The following TRAPPC9 variants were observed in gnomAD, a reference collection of about 807,000 sequenced individuals.
TRAPPC9 encodes the protein IKK2 binding protein.
A neutral mutation model predicts 124.0 loss-of-function variants in TRAPPC9; 83 were observed. The observed-to-expected ratio is 0.67, with a 90% CI of 0.56 to 0.80. The LOEUF (loss-of-function observed/expected upper bound fraction) is 0.80. TRAPPC9 is among the 30% of genes least tolerant of loss of function. The pLI is 0.00. For synonymous variants in TRAPPC9, 638 were observed against 617.5 expected (o/e 1.03, Z -0.49); for missense variants, 1,302 against 1,508.3 (o/e 0.86, Z 2.27).
Position 139,744,271 on chromosome 8 carries a change from G to C in TRAPPC9, c.3056-12069C>G, listed in dbSNP as rs10104457. 3.6e-3 allele frequency among the ~76,000 whole-genome samples: 542 copies of C among 152,368 alleles called. 3 individuals carry two copies. The highest frequency in any genetic ancestry group is 0.012 in the African/African-American group (511 of 41,584). ...AAATGGGGGTGACGGTGCTGTGACA[G>C]AGTGTCTAGTCAAAGAGGCAGTGCA... On this transcript the variant is annotated intron_variant, in intron 21 of 22. Transcript: ENST00000438773.
intron 21 of TRAPPC9, among the ~76,000 whole-genome samples, chr8:139,794,994 A>T (rs1192648154): frequency 2.6e-5 from 4 of 152,234 alleles, no homozygotes; most frequent in Admixed American, 1.3e-4. Context: ...TAAAAAGACA[A>T]GAACCAGCAT....
intron 7 of TRAPPC9, among the ~76,000 whole-genome samples, chr8:140,397,275 AC>A (rs1319242305): frequency 3.9e-5 from 6 of 152,148 alleles, no homozygotes; most frequent in Admixed American, 2.6e-4. Context: ...TAAACCCAAC[AC>A]CCCAAACAGG....
At chr8:140,154,405 C>G (rs1047296575) in intron 17 of TRAPPC9, among the ~76,000 whole-genome samples, 6 of 152,212 alleles carry the variant, frequency 3.9e-5, no homozygotes, top group Non-Finnish European at 8.8e-5. Flanking sequence ...CTGGCCTCCC[C>G]ATCCAGCAGC....
chr8:140,030,123 A>C (rs1401230043), intron 17 of TRAPPC9, among the ~76,000 whole-genome samples: 1 of 152,230 alleles, frequency 6.6e-6, no homozygotes, highest in African/African-American at 2.4e-5. Context: ...CAAACTAGGC[A>C]TAGAAAGGAA....
intron 21 of TRAPPC9, among the ~76,000 whole-genome samples, chr8:139,802,261 C>G (rs536300014): frequency 6.6e-6 from 1 of 152,328 alleles, no homozygotes; most frequent in South Asian, 2.1e-4. Context: ...GAGAGACCAG[C>G]AAGAAAATGA....
At chr8:140,114,171 C>T (rs1438228169) in intron 17 of TRAPPC9, among the ~76,000 whole-genome samples, 1 of 152,108 alleles carries the variant, frequency 6.6e-6, no homozygotes, top group Non-Finnish European at 1.5e-5. Flanking sequence ...ATTCCTGTTT[C>T]CAATCCCCTC....
At chr8:140,456,653 G>T in intron 1 of TRAPPC9, 1 of 337,984 alleles carries the variant, frequency 3.0e-6, no homozygotes. Context: ...CAATGTTCCT[G>T]GGCCTCCAAC....
Position 140,300,575 on chromosome 8 carries a change from T to C in TRAPPC9, c.1662A>G (p.Pro554=). ...KLLNLPASLR[P]HKMKSLLGQN... is the part of the protein sequence containing the mutation. ...GACCCAGCAAGCTTTTCATTTTGTG[T>C]GGCCGGAGGCTAGCAGGAAGGTTCA... The change falls in exon 11 of 23, where the codon CCA becomes CCG. Residue 554 remains proline, a synonymous_variant. Transcript: ENST00000438773. 1 of 1,614,262 alleles carries C rather than the reference T, an allele frequency of 6.2e-7. No homozygotes were observed. Among genetic ancestry groups the C allele is most frequent in the African/African-American group, 1.3e-5 (1 of 75,072 alleles).
intron 19 of TRAPPC9, among the ~76,000 whole-genome samples, chr8:139,957,678 G>A (rs916796744): frequency 1.3e-5 from 2 of 152,282 alleles, no homozygotes; most frequent in Admixed American, 1.3e-4. Context: ...CAGAAGGCCC[G>A]GCACCAGGTG....
At chr8:140,321,019 C>G (rs1403382686) in intron 9 of TRAPPC9, among the ~76,000 whole-genome samples, 1 of 152,162 alleles carries the variant, frequency 6.6e-6, no homozygotes, top group Non-Finnish European at 1.5e-5. Context: ...GATAAAGTGT[C>G]AAAAAGAGGA....
chr8:139,891,231 C>T (rs1375585051), intron 20 of TRAPPC9, among the ~76,000 whole-genome samples: 2 of 152,210 alleles, frequency 1.3e-5, no homozygotes, highest in African/African-American at 4.8e-5. Flanking sequence ...CTCAAGGCAC[C>T]ATATTAAATT....
At chr8:140,248,866 T>C (rs2064050913) in intron 16 of TRAPPC9, among the ~76,000 whole-genome samples, 1 of 152,230 alleles carries the variant, frequency 6.6e-6, no homozygotes, top group Non-Finnish European at 1.5e-5. Flanking sequence ...ATGTTTCATT[T>C]AGAAACAATT....
At chr8:139,790,986 C>T (rs1822619766) in intron 21 of TRAPPC9, among the ~76,000 whole-genome samples, 2 of 152,142 alleles carry the variant, frequency 1.3e-5, no homozygotes, top group Non-Finnish European at 2.9e-5. Context: ...TCAAAGCTCC[C>T]TGAGGCCTCC....
intron 1 of TRAPPC9, among the ~76,000 whole-genome samples, chr8:140,451,727 C>A (rs1459347824): frequency 2.0e-5 from 3 of 152,148 alleles, no homozygotes; most frequent in African/African-American, 7.2e-5. Flanking sequence ...GCTCCCCCAT[C>A]CCCTCAACAG....
chr8:140,416,891 A>G (rs1392374142), intron 5 of TRAPPC9, among the ~76,000 whole-genome samples: 1 of 152,220 alleles, frequency 6.6e-6, no homozygotes, highest in African/African-American at 2.4e-5. Context: ...ATGGAACAGA[A>G]CAGAGGCCTC....
At chr8:140,227,932 G>A (rs887660249) in intron 16 of TRAPPC9, among the ~76,000 whole-genome samples, 2 of 152,182 alleles carry the variant, frequency 1.3e-5, no homozygotes, top group Non-Finnish European at 2.9e-5. Flanking sequence ...TCACTACCCA[G>A]CAAAACTGAC....
intron 21 of TRAPPC9, among the ~76,000 whole-genome samples, chr8:139,870,397 T>TA (rs991896177): frequency 3.3e-5 from 5 of 152,242 alleles, no homozygotes; most frequent in Admixed American, 3.3e-4. Context: ...AGATATTTTT[T>TA]AAGAGATTGC....
At chr8:140,327,965 T>C (rs1272729764) in intron 9 of TRAPPC9, among the ~76,000 whole-genome samples, 1 of 152,104 alleles carries the variant, frequency 6.6e-6, no homozygotes, top group Non-Finnish European at 1.5e-5. Context: ...TAAAAATAAT[T>C]TAAAATTGGC....
At chr8:140,383,322 T>A (rs1588254713) in intron 7 of TRAPPC9, among the ~76,000 whole-genome samples, 1 of 152,202 alleles carries the variant, frequency 6.6e-6, no homozygotes, top group Non-Finnish European at 1.5e-5. Context: ...AGAATGACTT[T>A]GATGAGTTGA....
Sources: allele counts gnomAD v4.1 joint callset (sites outside exome capture counted in the v4.1 genomes callset), GRCh38; gene constraint gnomAD v4.1.1; transcripts MANE v1.5; gene names NCBI Gene and HGNC (gene_info 2026-07-23, HGNC 2026-07-21).